ENOSF1: variants seen among roughly 807,000 people sequenced by gnomAD.
ENOSF1 encodes enolase superfamily member 1.
Under a neutral mutation model 68.2 loss-of-function variants are expected in ENOSF1, and 73 were observed. That is an observed-to-expected ratio of 1.07 (90% CI 0.89 to 1.30). The LOEUF (loss-of-function observed/expected upper bound fraction) is 1.30. Among genes scored for constraint, ENOSF1 ranks in the 50% most tolerant of loss-of-function variants. ENOSF1 has a pLI of 0.00. For missense variants in ENOSF1, 589 were observed against 554.5 expected (o/e 1.06, Z -0.62); for synonymous variants, 223 against 210.4 (o/e 1.06, Z -0.52).
At chr18:664,159 G>T in the ENOSF1 span, among the ~76,000 whole-genome samples, 5 of 152,014 alleles carry the variant, frequency 3.3e-5, no homozygotes, top group East Asian at 3.9e-4. Context: ...GCATGGAATG[G>T]TCTTCCATTT....
Position 690,644 on chromosome 18 carries a change from A to G in ENOSF1, c.536-13T>C, listed in dbSNP as rs2077049613. On this transcript the variant is annotated splice_polypyrimidine_tract_variant and intron_variant, in intron 7 of 15. Transcript: ENST00000647584. ...AGCATTTGCTTCTCTGTGAAAACAC[A>G]GCGCCGTCAACATTTTGCACTTTCC... 1 of 1,613,726 alleles carries G rather than the reference A, an allele frequency of 6.2e-7. No individual in the cohort carries two copies. The highest frequency in any genetic ancestry group is 8.5e-7 in the Non-Finnish European group (1 of 1,179,976).
At position 673,808 on chromosome 18, in the gene ENOSF1, G is replaced by C. The variant is rs989786419; in HGVS notation, c.*497C>G. On this transcript the variant is annotated 3_prime_UTR_variant, in exon 16 of 16. Transcript: ENST00000647584. Reference sequence around the variant, plus strand: ...GCCCTCATTAGCTTCAGCATGGTGTGACTTCTCTAATAATATGCTTAGATT... The same window carrying C: ...GCCCTCATTAGCTTCAGCATGGTGTCACTTCTCTAATAATATGCTTAGATT... 1 of 150,878 alleles carries C rather than the reference G, an allele frequency of 6.6e-6. No homozygotes were observed. Among genetic ancestry groups the C allele is most frequent in the Admixed American group, 6.7e-5 (1 of 14,852 alleles). The allele number at this position is 150,878 out of a possible 1,614,324, so 9.3% of individuals were successfully genotyped here.
chr18:696,175 T>G (rs1213797599), intron 3 of ENOSF1, among the ~76,000 whole-genome samples: 1 of 151,804 alleles, frequency 6.6e-6, no homozygotes, highest in Non-Finnish European at 1.5e-5. Flanking sequence ...TAATGTTTTC[T>G]CTTTAATGAC....
chr18:692,807 T>C, intron 5 of ENOSF1: 3 of 1,035,144 alleles, frequency 2.9e-6, no homozygotes, highest in Non-Finnish European at 3.5e-6. Context: ...TCTGTGTCCT[T>C]CCCCTACGGA....
chr18:705,036 T>C (rs773343481), intron 2 of ENOSF1, among the ~76,000 whole-genome samples: 1 of 152,222 alleles, frequency 6.6e-6, no homozygotes, highest in Non-Finnish European at 1.5e-5. Flanking sequence ...ACCTGGGCAG[T>C]GTCCATTGAA....
chr18:669,208 C>T (rs1230966552), downstream of ENOSF1: 2 of 1,579,108 alleles, frequency 1.3e-6, no homozygotes, highest in Non-Finnish European at 1.7e-6. Flanking sequence ...TTTATACTAA[C>T]CATACTCTTA....
At chr18:669,702 C>G (rs568380444), downstream of ENOSF1, among the ~76,000 whole-genome samples, 6 of 152,220 alleles carry the variant, frequency 3.9e-5, no homozygotes, top group African/African-American at 1.4e-4. Flanking sequence ...TGCCTAGAAA[C>G]TACATGTAAG....
In ENOSF1 at chr18:670,643, G is replaced by C. The variant is rs775935295; in HGVS notation, c.*3662C>G. On this transcript the variant is annotated 3_prime_UTR_variant, in exon 16 of 16. Coordinates refer to ENST00000647584, the MANE Select transcript of ENOSF1 (RefSeq NM_017512.7). ...CCTGTTTTACTTTGCCTTTAGCTGT[G>C]GTCTTTCAAACCACCATCCCTCCTT... 1.9e-6 allele frequency: 3 copies of C among 1,598,278 alleles called. No individual in the cohort carries two copies. Among genetic ancestry groups the C allele is most frequent in the Non-Finnish European group, 2.6e-6 (3 of 1,169,788 alleles).
intron 3 of ENOSF1, among the ~76,000 whole-genome samples, chr18:696,622 G>A (rs529481402): frequency 7.2e-5 from 11 of 152,212 alleles, no homozygotes; most frequent in Middle Eastern, 3.4e-3. Flanking sequence ...AGGAGATGAG[G>A]TCCTTAGAGA....
At chr18:666,963 AGATG>A (rs2074840695), downstream of ENOSF1, among the ~76,000 whole-genome samples, 2 of 15,912 alleles carry the variant, frequency 1.3e-4, no homozygotes, top group African/African-American at 7.6e-4. Context: ...ATGGAGATGG[AGATG>A]GTGATGGAGA....
Position 671,624 on chromosome 18 carries a change from C to T in ENOSF1, c.*2681G>A, listed in dbSNP as rs2075054028. ...GTGGGCAGGACAAGGCAGGCATCTG[C>T]CTCAGCAACCATGGGCACTTAACAT... On this transcript the variant is annotated 3_prime_UTR_variant, in exon 16 of 16. Coordinates refer to ENST00000647584, the MANE Select transcript of ENOSF1 (RefSeq NM_017512.7). 1.6e-6 allele frequency: 1 copy of T among 633,846 alleles called. No homozygotes were observed. Among genetic ancestry groups the T allele is most frequent in the Non-Finnish European group, 2.8e-6 (1 of 359,388 alleles). The allele number at this position is 633,846 out of a possible 1,614,324, so 39.3% of individuals were successfully genotyped here.
chr18:680,266 G>A (rs2075945997), intron 11 of ENOSF1, among the ~76,000 whole-genome samples: 1 of 152,204 alleles, frequency 6.6e-6, no homozygotes, highest in South Asian at 2.1e-4. Context: ...GAAGGCCTTA[G>A]TTTGAGCAGA....
At chr18:699,268 C>T (rs2078067293) in intron 2 of ENOSF1, among the ~76,000 whole-genome samples, 1 of 151,990 alleles carries the variant, frequency 6.6e-6, no homozygotes, top group African/African-American at 2.4e-5. Context: ...TTGAGACCAG[C>T]CTGGGCAGTG....
intron 3 of ENOSF1, among the ~76,000 whole-genome samples, chr18:696,699 A>C (rs1480446266): frequency 6.6e-6 from 1 of 152,202 alleles, no homozygotes; most frequent in Non-Finnish European, 1.5e-5. Context: ...ATTCAGCTAA[A>C]TTCAGTCTTG....
At chr18:685,385 T>C (rs1367791780) in intron 10 of ENOSF1, among the ~76,000 whole-genome samples, 1 of 151,832 alleles carries the variant, frequency 6.6e-6, no homozygotes, top group Non-Finnish European at 1.5e-5. Context: ...AATTCATGTA[T>C]AAATAGTGAT....
At position 706,500 on chromosome 18, in the gene ENOSF1, T is replaced by A; in HGVS notation, c.163A>T (p.Thr55Ser). 6.2e-7 allele frequency: 1 copy of A among 1,613,752 alleles called. No individual in the cohort carries two copies. The highest frequency in any genetic ancestry group is 8.5e-7 in the Non-Finnish European group (1 of 1,179,780). ...AEDGIKGCGITFTLGKGTEVV... is the reference protein window; with the variant it reads ...AEDGIKGCGISFTLGKGTEVV... ...TCAGTGCCTTTTCCCAGAGTGAAGGTAATTCCACACCCCTTGATTCCATCT... is the reference window on the plus strand; with the variant it reads ...TCAGTGCCTTTTCCCAGAGTGAAGGAAATTCCACACCCCTTGATTCCATCT... Residue 55 changes from threonine (T) to serine (S), a missense_variant, in exon 2 of 16, where the codon ACC (threonine) becomes TCC (serine). By Grantham distance (58) the Thr-to-Ser change is moderately conservative. Transcript: ENST00000647584.
chr18:685,587 CCT>C (rs1250135653), intron 10 of ENOSF1, among the ~76,000 whole-genome samples: 34 of 152,182 alleles, frequency 2.2e-4, no homozygotes, highest in Admixed American at 5.2e-4. Context: ...GTAATGGCCC[CCT>C]GACACCCTCC....
chr18:680,735 C>T (rs915449422), intron 11 of ENOSF1, among the ~76,000 whole-genome samples: 6 of 139,672 alleles, frequency 4.3e-5, no homozygotes, highest in Non-Finnish European at 9.0e-5. Context: ...GGCTGGAGTG[C>T]AATGGCGCAA....
At chr18:669,678 A>G (rs1285291868), downstream of ENOSF1, among the ~76,000 whole-genome samples, 1 of 152,112 alleles carries the variant, frequency 6.6e-6, no homozygotes, top group Non-Finnish European at 1.5e-5. Context: ...CTTACACCAA[A>G]AAGGGTTTTA....
Sources: allele counts gnomAD v4.1 joint callset (sites outside exome capture counted in the v4.1 genomes callset), GRCh38; gene constraint gnomAD v4.1.1; transcripts MANE v1.5; gene names NCBI Gene and HGNC (gene_info 2026-07-23, HGNC 2026-07-21).